Variants in CTXND1 observed in about 807,000 individuals in gnomAD.
CTXND1 encodes cortexin domain containing 1.
At chr15:80,205,068 T>C (rs568896790) in intron 1 of CTXND1, among the ~76,000 whole-genome samples, 25 of 152,352 alleles carry the variant, frequency 1.6e-4, no homozygotes, top group African/African-American at 4.8e-4. Flanking sequence ...AAAATATGTA[T>C]GTTTATGTAT....
intron 1 of CTXND1, among the ~76,000 whole-genome samples, chr15:80,240,400 A>T (rs1016077017): frequency 1.3e-5 from 2 of 152,172 alleles, no homozygotes; most frequent in Admixed American, 6.5e-5. Flanking sequence ...CTGTTCTGCC[A>T]GGCGTCCCAG....
At chr15:80,238,426 A>G (rs1893527492) in intron 1 of CTXND1, among the ~76,000 whole-genome samples, 1 of 151,186 alleles carries the variant, frequency 6.6e-6, no homozygotes, top group South Asian at 2.1e-4. Context: ...TGTAGAAACC[A>G]TTCTTCTTTC....
chr15:80,223,278 A>G (rs1377779457), intron 1 of CTXND1, among the ~76,000 whole-genome samples: 1 of 152,040 alleles, frequency 6.6e-6, no homozygotes, highest in Non-Finnish European at 1.5e-5. Context: ...GCTGGTCTTG[A>G]ACTCCCGACC....
At chr15:80,237,135 A>G (rs1357571140) in intron 1 of CTXND1, among the ~76,000 whole-genome samples, 5 of 152,064 alleles carry the variant, frequency 3.3e-5, no homozygotes, top group African/African-American at 9.7e-5. Flanking sequence ...GCAGATAGAG[A>G]CCATCCTGGC....
chr15:80,223,652 G>T lies in CTXND1; in HGVS notation c.-217-19912C>A, dbSNP rs188934624. ...ATGGGCAGAGTTTTCCATGGTGGATGGACAAATTGACACTCCTATCAACAG... is the reference window on the plus strand; with the variant it reads ...ATGGGCAGAGTTTTCCATGGTGGATTGACAAATTGACACTCCTATCAACAG... On this transcript the variant is annotated intron_variant, in intron 1 of 2. Coordinates refer to ENST00000560778, the MANE Select transcript of CTXND1 (RefSeq NM_001352888.2). Among the ~76,000 whole-genome samples the T allele has an allele frequency of 2.0e-3, 299 of 152,246 alleles. 1 individual carries two copies. Among genetic ancestry groups the T allele is most frequent in the African/African-American group, 6.9e-3 (285 of 41,542 alleles).
intron 1 of CTXND1, among the ~76,000 whole-genome samples, chr15:80,240,258 C>T (rs912432886): frequency 6.6e-6 from 1 of 152,146 alleles, no homozygotes; most frequent in Non-Finnish European, 1.5e-5. Context: ...AGCCACCACA[C>T]CCCACCTATA....
At position 80,199,008 on chromosome 15, in the gene CTXND1, A is replaced by G. The variant is rs931055752; in HGVS notation, c.*2762T>C. ...AAAATCTTGCATGAGGACAATGATTAGAAGGGAATATATGGACACAAAATG... is the reference window on the plus strand; with the variant it reads ...AAAATCTTGCATGAGGACAATGATTGGAAGGGAATATATGGACACAAAATG... On this transcript the variant is annotated 3_prime_UTR_variant, in exon 3 of 3. Transcript: ENST00000560778. 2.6e-5 allele frequency: 4 copies of G among 152,260 alleles called. No homozygotes were observed. The highest frequency in any genetic ancestry group is 5.9e-5 in the Non-Finnish European group (4 of 68,042). 9.4% of individuals were successfully genotyped at this position (152,260 alleles called of 1,614,324 possible).
chr15:80,251,192 C>A (rs1284586167), intron 1 of CTXND1, among the ~76,000 whole-genome samples: 1 of 152,190 alleles, frequency 6.6e-6, no homozygotes, highest in Non-Finnish European at 1.5e-5. Flanking sequence ...TGAGGCGGTG[C>A]ATCAGCTTGG....
chr15:80,236,455 A>T (rs921617502), intron 1 of CTXND1, among the ~76,000 whole-genome samples: 1 of 152,206 alleles, frequency 6.6e-6, no homozygotes, highest in Non-Finnish European at 1.5e-5. Flanking sequence ...ATGCATAATG[A>T]TGTTTCCATC....
chr15:80,219,514 C>G (rs1394769750), intron 1 of CTXND1, among the ~76,000 whole-genome samples: 1 of 152,184 alleles, frequency 6.6e-6, no homozygotes, highest in Admixed American at 6.5e-5. Context: ...TACAGGTACA[C>G]TTAGGTGAAG....
intron 1 of CTXND1, among the ~76,000 whole-genome samples, chr15:80,208,392 A>G (rs1334470537): frequency 1.3e-5 from 2 of 152,228 alleles, no homozygotes; most frequent in Non-Finnish European, 2.9e-5. Context: ...TTTATGTACA[A>G]TCTGCACATG....
intron 1 of CTXND1, among the ~76,000 whole-genome samples, chr15:80,228,940 C>CG (rs1555445088): frequency 2.0e-5 from 3 of 151,884 alleles, no homozygotes; most frequent in Non-Finnish European, 2.9e-5. Flanking sequence ...AAATCTGAAA[C>CG]TTTTTTGAGT....
At chr15:80,218,000 T>G (rs531060091) in intron 1 of CTXND1, among the ~76,000 whole-genome samples, 1 of 152,348 alleles carries the variant, frequency 6.6e-6, no homozygotes, top group Non-Finnish European at 1.5e-5. Context: ...TTTTCTACCT[T>G]TTCTTATAGG....
chr15:80,244,236 G>A (rs1270514680), intron 1 of CTXND1, among the ~76,000 whole-genome samples: 1 of 152,198 alleles, frequency 6.6e-6, no homozygotes, highest in African/African-American at 2.4e-5. Context: ...TTTCCTCTGA[G>A]CCTAGCAAGT....
intron 1 of CTXND1, among the ~76,000 whole-genome samples, chr15:80,245,479 C>T (rs990061389): frequency 2.6e-5 from 4 of 152,160 alleles, no homozygotes; most frequent in African/African-American, 9.7e-5. Flanking sequence ...GGACAGCTGG[C>T]TCCTGATATG....
intron 1 of CTXND1, among the ~76,000 whole-genome samples, chr15:80,220,392 T>C (rs1893302384): frequency 6.6e-6 from 1 of 152,226 alleles, no homozygotes; most frequent in African/African-American, 2.4e-5. Context: ...CTGGGCTCTC[T>C]ATCCTTTTGA....
At chr15:80,207,435 T>C (rs2142123459) in intron 1 of CTXND1, among the ~76,000 whole-genome samples, 1 of 152,352 alleles carries the variant, frequency 6.6e-6, no homozygotes, top group South Asian at 2.1e-4. Flanking sequence ...GTTTTAGAAT[T>C]TCCATTTGAT....
At chr15:80,215,978 C>A (rs1893248642) in intron 1 of CTXND1, among the ~76,000 whole-genome samples, 1 of 152,282 alleles carries the variant, frequency 6.6e-6, no homozygotes, top group Non-Finnish European at 1.5e-5. Flanking sequence ...CTCTCCCCAG[C>A]ATCTTCCAAG....
At chr15:80,233,973 C>T (rs916372434) in intron 1 of CTXND1, among the ~76,000 whole-genome samples, 1 of 152,178 alleles carries the variant, frequency 6.6e-6, no homozygotes, top group Admixed American at 6.5e-5. Context: ...TCCCTGCCTA[C>T]CTCCTCCATT....
Sources: allele counts gnomAD v4.1 joint callset (sites outside exome capture counted in the v4.1 genomes callset), GRCh38; gene constraint gnomAD v4.1.1; transcripts MANE v1.5; gene names NCBI Gene and HGNC (gene_info 2026-07-23, HGNC 2026-07-21).